Variants in MAML2 observed in about 807,000 individuals in gnomAD.
The protein encoded by MAML2 is mastermind like transcriptional coactivator 2.
In MAML2, 22 loss-of-function variants were observed where a neutral mutation model predicts 96.1. The ratio of observed to expected loss-of-function variants is 0.23; its 90% confidence interval spans 0.16 to 0.33. The LOEUF is 0.33. Ranked by LOEUF, MAML2 falls within the 10% of genes least tolerant of loss-of-function variation. The probability of loss-of-function intolerance (pLI) is 1.00; values close to 1 mark genes in which losing one functional copy is unlikely to be tolerated. For synonymous variants in MAML2, 561 were observed against 521.3 expected (o/e 1.08, Z -1.04); for missense variants, 1,367 against 1,392.4 (o/e 0.98, Z 0.29).
intron 2 of MAML2, among the ~76,000 whole-genome samples, chr11:96,035,988 C>T (rs147125406): frequency 4.1e-4 from 63 of 152,290 alleles, no homozygotes; most frequent in African/African-American, 1.3e-3. Flanking sequence ...TGGTCTGAAA[C>T]TGTGCCTGTC....
intron 2 of MAML2, among the ~76,000 whole-genome samples, chr11:96,002,374 G>C (rs1858091599): frequency 1.3e-5 from 2 of 152,220 alleles, no homozygotes; most frequent in South Asian, 4.1e-4. Context: ...CAAAGTGGGG[G>C]AGAAAGGCAA....
intron 2 of MAML2, among the ~76,000 whole-genome samples, chr11:96,040,559 G>A (rs773675955): frequency 6.6e-6 from 1 of 152,164 alleles, no homozygotes; most frequent in Non-Finnish European, 1.5e-5. Context: ...CTGAGGTCAG[G>A]AGTTTGAGAA....
intron 1 of MAML2, among the ~76,000 whole-genome samples, chr11:96,154,328 G>A (rs554748845): frequency 6.6e-6 from 1 of 152,202 alleles, no homozygotes; most frequent in South Asian, 2.1e-4. Flanking sequence ...CAACTGGAGG[G>A]CTCCCTATCA....
intron 2 of MAML2, among the ~76,000 whole-genome samples, chr11:96,036,720 C>G (rs1487187316): frequency 6.6e-6 from 1 of 152,042 alleles, no homozygotes; most frequent in Non-Finnish European, 1.5e-5. Flanking sequence ...AAAAATAACT[C>G]CGGGGCTGAG....
intron 2 of MAML2, among the ~76,000 whole-genome samples, chr11:95,996,835 T>C (rs908832354): frequency 1.3e-5 from 2 of 152,198 alleles, no homozygotes; most frequent in African/African-American, 4.8e-5. Context: ...CTCTTTGCCT[T>C]AAATTCAACC....
intron 2 of MAML2, among the ~76,000 whole-genome samples, chr11:96,053,291 G>C (rs1241167722): frequency 6.6e-6 from 1 of 152,124 alleles, no homozygotes; most frequent in Non-Finnish European, 1.5e-5. Flanking sequence ...ACTGCCACTA[G>C]AGCCTACTCA....
At chr11:96,295,415 G>C (rs919652387) in intron 1 of MAML2, among the ~76,000 whole-genome samples, 2 of 152,184 alleles carry the variant, frequency 1.3e-5, no homozygotes, top group Non-Finnish European at 2.9e-5. Context: ...CTTCTTACAC[G>C]CCTAAATGAG....
chr11:96,306,187 C>T (rs1863459509), intron 1 of MAML2, among the ~76,000 whole-genome samples: 1 of 152,078 alleles, frequency 6.6e-6, no homozygotes, highest in Admixed American at 6.6e-5. Flanking sequence ...ACTGCACGAG[C>T]CCAGGCCCAC....
chr11:96,225,321 G>A (rs912254562), intron 1 of MAML2, among the ~76,000 whole-genome samples: 1 of 152,168 alleles, frequency 6.6e-6, no homozygotes, highest in Non-Finnish European at 1.5e-5. Context: ...GCCCTACAGA[G>A]AGGCTCACAT....
At chr11:96,175,740 G>A (rs1359132313) in intron 1 of MAML2, among the ~76,000 whole-genome samples, 10 of 151,998 alleles carry the variant, frequency 6.6e-5, no homozygotes, top group Admixed American at 6.6e-5. Flanking sequence ...ACAGGCACCC[G>A]CCACCATGCC....
At chr11:96,004,716 G>C (rs1376303132) in intron 2 of MAML2, among the ~76,000 whole-genome samples, 1 of 152,044 alleles carries the variant, frequency 6.6e-6, no homozygotes, top group African/African-American at 2.4e-5. Flanking sequence ...TGTATATTTT[G>C]ACTTCTTGTC....
chr11:96,243,251 A>G (rs1487036502), intron 1 of MAML2, among the ~76,000 whole-genome samples: 1 of 152,204 alleles, frequency 6.6e-6, no homozygotes, highest in Non-Finnish European at 1.5e-5. Context: ...ACAAAAGAAG[A>G]CATTTTAAAA....
At chr11:96,090,673 C>T (rs1859689104) in intron 2 of MAML2, among the ~76,000 whole-genome samples, 1 of 152,180 alleles carries the variant, frequency 6.6e-6, no homozygotes, top group Non-Finnish European at 1.5e-5. Context: ...TCTCCAAAAT[C>T]TATAATTTTT....
intron 2 of MAML2, among the ~76,000 whole-genome samples, chr11:96,002,767 G>C (rs1858106293): frequency 7.1e-6 from 1 of 140,266 alleles, no homozygotes; most frequent in Non-Finnish European, 1.5e-5. Context: ...AGGATGATGA[G>C]GATGATGAGG....
At chr11:96,229,324 C>G (rs1323630052) in intron 1 of MAML2, among the ~76,000 whole-genome samples, 5 of 151,710 alleles carry the variant, frequency 3.3e-5, no homozygotes, top group Admixed American at 1.3e-4. Context: ...TTTTCTAGAA[C>G]AGCAATTATA....
At chr11:95,988,432 A>G (rs1565181999) in intron 3 of MAML2, among the ~76,000 whole-genome samples, 1 of 149,914 alleles carries the variant, frequency 6.7e-6, no homozygotes, top group African/African-American at 2.5e-5. Flanking sequence ...CTAATTTTGT[A>G]TTTTTTTAGT....
chr11:96,197,953 G>A (rs1861755137), intron 1 of MAML2, among the ~76,000 whole-genome samples: 2 of 152,176 alleles, frequency 1.3e-5, no homozygotes, highest in South Asian at 2.1e-4. Flanking sequence ...ACAGGAGAGA[G>A]ATTTGACATA....
chr11:96,239,342 A>G (rs914850419), intron 1 of MAML2, among the ~76,000 whole-genome samples: 1 of 151,872 alleles, frequency 6.6e-6, no homozygotes, highest in Admixed American at 6.6e-5. Flanking sequence ...ATAGCTGTTG[A>G]CCCCTATTGG....
At chr11:96,151,221 C>G (rs1860915885) in intron 1 of MAML2, among the ~76,000 whole-genome samples, 2 of 152,060 alleles carry the variant, frequency 1.3e-5, no homozygotes, top group Non-Finnish European at 2.9e-5. Flanking sequence ...TTTGCCCTTG[C>G]CTGGGACACT....
Sources: gnomAD v4.1 joint callset for allele counts (sites outside exome capture counted in the v4.1 genomes callset) on GRCh38, gnomAD v4.1.1 for gene constraint, MANE v1.5 for transcripts, NCBI Gene and HGNC (gene_info 2026-07-23, HGNC 2026-07-21) for gene names.